Variants in TRRAP observed in about 807,000 individuals in gnomAD.
TRRAP encodes transformation/transcription domain-associated protein.
A neutral mutation model predicts 438.8 loss-of-function variants in TRRAP; 41 were observed. The ratio of observed to expected loss-of-function variants is 0.09; its 90% CI spans 0.07 to 0.12. TRRAP has a LOEUF of 0.12. TRRAP is among the 10% of genes least tolerant of loss of function. TRRAP has a pLI of 1.00. For missense variants in TRRAP, 3,122 were observed against 5,055.1 expected, an observed-to-expected ratio of 0.62 and a Z score of 11.60; for synonymous variants, 1,994 against 1,962.9, an observed-to-expected ratio of 1.02 and a Z score of -0.42.
In TRRAP at chr7:98,983,515, G is replaced by T. The variant is rs781614763; in HGVS notation, c.9022+56G>T. ...CATGTAATTTTCCAGACGCCCCACG[G>T]TTCTGGTTTCGTCTCTGTGTTTTGG... On this transcript the variant is annotated intron_variant, in intron 60 of 72. Transcript: ENST00000456197. 2.8e-5 allele frequency: 44 copies of T among 1,594,698 alleles called. No homozygotes were observed. In the South Asian group the frequency reaches 4.8e-4, roughly 17 times the overall value.
At chr7:98,983,237 CAG>C (rs780464618) in intron 59 of TRRAP, 25 bp from the exon 60 acceptor site, 17 of 1,576,788 alleles carry the variant, frequency 1.1e-5, no homozygotes, top group Non-Finnish European at 1.3e-5. Context: ...ACATTTACCG[CAG>C]AGTCTCTTAT....
chr7:98,991,338 C>T (rs75975170), intron 64 of TRRAP, among the ~76,000 whole-genome samples: 4 of 152,286 alleles, frequency 2.6e-5, no homozygotes, highest in Admixed American at 6.5e-5. Context: ...GAGCTGGGCC[C>T]GCGCGTTCTG....
chr7:98,881,145 A>G lies in TRRAP; in HGVS notation c.-6A>G. The G allele has an allele frequency of 6.2e-7, 1 of 1,602,068 alleles. No individual in the cohort carries two copies. Among genetic ancestry groups the G allele is most frequent in the South Asian group, 1.1e-5 (1 of 89,314 alleles). On this transcript the variant is annotated 5_prime_UTR_variant, in exon 2 of 73. Coordinates refer to ENST00000456197, the MANE Select transcript of TRRAP (RefSeq NM_001375524.1). ...CTCTTGAGAAGCAAACCAGCCCAAA[A>G]GAAAAATGGCGTTTGTTGCAACACA...
intron 30 of TRRAP, among the ~76,000 whole-genome samples, chr7:98,942,721 G>A (rs1274037613): frequency 6.6e-6 from 1 of 152,174 alleles, no homozygotes; most frequent in African/African-American, 2.4e-5. Flanking sequence ...TGGAACACCC[G>A]GGAGTCAGGG....
chr7:98,961,386 C>T lies in TRRAP; in HGVS notation c.6615C>T (p.Ala2205=), dbSNP rs770791919. Residue 2205 remains alanine (A), a synonymous_variant, in exon 46 of 73, where the codon GCC becomes GCT. Transcript: ENST00000456197. ...SSFKPLQRGI[A]ACMTCGNTKV... ...TCAAACCTCTGCAGCGTGGAATTGC[C>T]GCCTGCATGACATGTGGAAACACCA... The T allele has an allele frequency of 3.7e-6, 6 of 1,614,086 alleles. No homozygotes were observed. The highest frequency in any genetic ancestry group is 2.2e-5 in the East Asian group (1 of 44,892).
At chr7:98,921,649 T>C in intron 20 of TRRAP, 104 bp from the exon 21 acceptor site, 1 of 1,475,606 alleles carries the variant, frequency 6.8e-7, no homozygotes, top group Non-Finnish European at 9.3e-7. Flanking sequence ...GTTCTGGGAT[T>C]ACAGGCATGA....
At chr7:98,995,529 C>T (rs1793612729) in intron 67 of TRRAP, among the ~76,000 whole-genome samples, 1 of 151,986 alleles carries the variant, frequency 6.6e-6, no homozygotes, top group South Asian at 2.1e-4. Flanking sequence ...ATGCGTTTTC[C>T]TAGGCTCACA....
chr7:99,010,307 T>TGCTTAA (rs1030412899), intron 70 of TRRAP, among the ~76,000 whole-genome samples: 114 of 152,360 alleles, frequency 7.5e-4, no homozygotes, highest in African/African-American at 2.4e-3. Flanking sequence ...GCATTCTCAC[T>TGCTTAA]GCTTAAGGAG....
At chr7:98,904,483 CAAAAA>C (rs59353514) in intron 12 of TRRAP, among the ~76,000 whole-genome samples, 1 of 45,582 alleles carries the variant, frequency 2.2e-5, no homozygotes, top group Non-Finnish European at 4.9e-5. Context: ...GACTCTGTCT[CAAAAA>C]AAAAAAAAAA....
chr7:98,981,821 G>C lies in TRRAP; in HGVS notation c.8687G>C (p.Gly2896Ala). Residue 2896 changes from glycine (G) to alanine (A), a missense_variant, in exon 59 of 73, where the codon GGA becomes GCA. Physicochemically the swap from Gly to Ala is moderately conservative, Grantham distance 60. Transcript: ENST00000456197. ...EMAWKVNMYR[G>A]YLAICHPEEQ... is the part of the protein sequence containing the mutation. ...GCCTGGAAGGTGAACATGTACCGCG[G>C]ATACCTGGCCATCTGCCACCCCGAG... is the stretch of plus-strand genomic sequence containing the variant. 1 of 1,605,344 alleles carries C rather than the reference G, an allele frequency of 6.2e-7. No individual in the cohort carries two copies. Among genetic ancestry groups the C allele is most frequent in the Admixed American group, 1.7e-5 (1 of 58,798 alleles).
intron 67 of TRRAP, 54 bp from the exon 68 acceptor site, chr7:99,004,136 G>C: frequency 6.5e-7 from 1 of 1,544,592 alleles, no homozygotes; most frequent in African/African-American, 1.4e-5. Context: ...TTTGCAGTGT[G>C]TTAGAACTGG....
intron 35 of TRRAP, 50 bp from the exon 36 acceptor site, chr7:98,949,365 TTC>T (rs2116607965): frequency 6.9e-7 from 1 of 1,442,490 alleles, no homozygotes; most frequent in East Asian, 2.5e-5. Flanking sequence ...TCCTCTAACT[TTC>T]TGTGAGTTTG....
chr7:98,973,695 C>T (rs1376525588), intron 53 of TRRAP, among the ~76,000 whole-genome samples: 3 of 152,188 alleles, frequency 2.0e-5, no homozygotes, highest in Non-Finnish European at 4.4e-5. Flanking sequence ...ATCTGTGTCA[C>T]CCTTTGTAAG....
At chr7:98,972,926 G>A (rs1792482525) in intron 53 of TRRAP, among the ~76,000 whole-genome samples, 1 of 152,184 alleles carries the variant, frequency 6.6e-6, no homozygotes, top group Non-Finnish European at 1.5e-5. Flanking sequence ...AAGCAGAGCA[G>A]CCTGATACAT....
chr7:98,937,456 G>A (rs1434734262), intron 29 of TRRAP, among the ~76,000 whole-genome samples, 179 bp downstream of exon 29: 3 of 152,192 alleles, frequency 2.0e-5, no homozygotes, highest in African/African-American at 7.2e-5. Context: ...TAGTCATACT[G>A]AGTTTTTTAA....
At position 99,011,659 on chromosome 7, in the gene TRRAP, C is replaced by T. The variant is rs1794432689; in HGVS notation, c.11337+124C>T. On this transcript the variant is annotated intron_variant, in intron 72 of 72. Transcript: ENST00000456197. The surrounding 1 kb of genome is among the most constrained non-coding windows in gnomAD (Gnocchi z 7.1). ...CTGCGCTCTCCACAGTGGCCAGCAC[C>T]CCTGTGTGTTATGTCCTTTGCTGTG... 2 of 1,136,422 alleles carry T rather than the reference C, an allele frequency of 1.8e-6. No homozygotes were observed. The highest frequency in any genetic ancestry group is 2.5e-6 in the Non-Finnish European group (2 of 816,302). The allele number at this position is 1,136,422 out of a possible 1,614,324, so 70.4% of individuals were successfully genotyped here.
chr7:98,915,651 C>A, intron 18 of TRRAP, 72 bp from the exon 19 acceptor site: 1 of 1,517,800 alleles, frequency 6.6e-7, no homozygotes, highest in South Asian at 1.3e-5. Flanking sequence ...ATTACAGTGA[C>A]ACTTTAGAGT....
At chr7:98,892,599 T>A (rs1417065114) in intron 5 of TRRAP, 71 bp downstream of exon 5, 23 of 1,309,422 alleles carry the variant, frequency 1.8e-5, no homozygotes, top group Admixed American at 2.3e-5. Context: ...TTATGGTAAA[T>A]TTCAGCATTA....
At position 98,908,724 on chromosome 7, in the gene TRRAP, G is replaced by A. The variant is rs782674362; in HGVS notation, c.1116-4G>A. 5.2e-5 allele frequency: 80 copies of A among 1,545,724 alleles called. No homozygotes were observed. Among genetic ancestry groups the A allele is most frequent in the Middle Eastern group, 1.7e-4 (1 of 6,010 alleles). On this transcript the variant is annotated splice_region_variant and splice_polypyrimidine_tract_variant and intron_variant, in intron 13 of 72. Transcript: ENST00000456197. The surrounding 1 kb of genome is among the most constrained non-coding windows in gnomAD (Gnocchi z 4.1). ...TGAGCACTAGTCGAGGTCTCTGCCC[G>A]CAGGCCCCTCGCCTACAGCACGCTG...
Sources: gnomAD v4.1 joint callset for allele counts (sites outside exome capture counted in the v4.1 genomes callset) on GRCh38, gnomAD v4.1.1 for gene constraint, Gnocchi (gnomAD v3.1) non-coding constraint, MANE v1.5 for transcripts, NCBI Gene and HGNC (gene_info 2026-07-23, HGNC 2026-07-21) for gene names.